Variants in ATP8B4 observed in about 807,000 individuals in gnomAD.
ATP8B4 encodes probable phospholipid-transporting ATPase IM.
Under a neutral mutation model 145.6 loss-of-function variants are expected in ATP8B4, and 133 were observed. That is an observed-to-expected ratio of 0.91 (90% CI 0.79 to 1.05). The LOEUF (loss-of-function observed/expected upper bound fraction) is 1.05. Among genes scored for constraint, ATP8B4 ranks in the 50% least tolerant of loss-of-function variants. ATP8B4 has a pLI of 0.00. For synonymous variants in ATP8B4, 507 were observed against 492.9 expected, an observed-to-expected ratio of 1.03 and a Z score of -0.38; for missense variants, 1,458 against 1,425.2, an observed-to-expected ratio of 1.02 and a Z score of -0.37.
At chr15:50,023,758 A>T (rs2049773075) in intron 6 of ATP8B4, among the ~76,000 whole-genome samples, 1 of 144,428 alleles carries the variant, frequency 6.9e-6, no homozygotes, top group Admixed American at 7.1e-5. Flanking sequence ...CTCTGCACCC[A>T]CAAAAAATTG....
chr15:50,131,395 C>A lies in ATP8B4; in HGVS notation c.-42-24387G>T, dbSNP rs180714380. Among the ~76,000 whole-genome samples, 16 of 152,250 alleles carry A rather than the reference C, an allele frequency of 1.1e-4. No individual in the cohort carries two copies. The East Asian group carries it at 1.3e-3, about 13-fold the overall frequency. On this transcript the variant is annotated intron_variant, in intron 1 of 3. Coordinates refer to the ATP8B4 transcript ENST00000558829. ...AAACAGAGAGGTTAAAGAACTTTCA[C>A]AAAGCTGCAGAGCTAGAAAATGGCA...
chr15:50,048,705 C>CAA lies in ATP8B4; in HGVS notation c.88-1243_88-1242dup, dbSNP rs34007897. Among the ~76,000 whole-genome samples, 20 of 117,790 alleles carry CAA rather than the reference C, an allele frequency of 1.7e-4. No homozygotes were observed. In the East Asian group the frequency reaches 2.1e-3, roughly 12 times the overall value. The allele number at this position is 117,790 out of a possible 152,430, so 77.3% of individuals were successfully genotyped here. A position where few individuals can be genotyped will look rare whatever the true frequency, so the allele number is the denominator to read the frequency against. On this transcript the variant is annotated intron_variant, in intron 3 of 27. Transcript: ENST00000284509. ...CCTGGGTGATGGAGCAAGACTCTGC[C>CAA]AAAAAAAAAAAAGGAAAAAAGATGG...
intron 17 of ATP8B4, chr15:49,922,428 C>A: frequency 2.3e-6 from 1 of 440,304 alleles, no homozygotes; most frequent in Admixed American, 2.5e-5. Flanking sequence ...AAAAGAAAAT[C>A]AATTCTCTAT....
chr15:49,915,229 T>C (rs1350464734), intron 20 of ATP8B4, among the ~76,000 whole-genome samples: 1 of 152,146 alleles, frequency 6.6e-6, no homozygotes, highest in Non-Finnish European at 1.5e-5. Context: ...TTTCACATGT[T>C]CTCACTCCTA....
At chr15:50,091,651 C>A (rs1024230436) in intron 2 of ATP8B4, among the ~76,000 whole-genome samples, 1 of 152,078 alleles carries the variant, frequency 6.6e-6, no homozygotes, top group African/African-American at 2.4e-5. Context: ...TTAGCTCATT[C>A]CAGCAGAGAA....
At chr15:49,988,366 A>G (rs1228589717) in intron 9 of ATP8B4, among the ~76,000 whole-genome samples, 1 of 152,204 alleles carries the variant, frequency 6.6e-6, no homozygotes, top group South Asian at 2.1e-4. Flanking sequence ...ATTAATATAC[A>G]TATCCACTGC....
chr15:50,025,094 A>G (rs1487828324), intron 6 of ATP8B4, among the ~76,000 whole-genome samples: 3 of 152,214 alleles, frequency 2.0e-5, no homozygotes, highest in Non-Finnish European at 4.4e-5. Flanking sequence ...GCCCACTATC[A>G]TGTAATTATT....
chr15:50,060,798 G>A (rs1489148993), intron 3 of ATP8B4, among the ~76,000 whole-genome samples: 4 of 152,108 alleles, frequency 2.6e-5, no homozygotes, highest in East Asian at 1.9e-4. Context: ...GGTGGGGCCC[G>A]AGAGTCTGCA....
chr15:49,895,474 T>C (rs1371764383), intron 23 of ATP8B4: 2 of 152,202 alleles, frequency 1.3e-5, no homozygotes, highest in Non-Finnish European at 2.9e-5. Context: ...AAAATGAAGA[T>C]TGTGCAATTA....
intron 1 of ATP8B4, among the ~76,000 whole-genome samples, chr15:50,128,680 G>C (rs2057323400): frequency 1.3e-5 from 2 of 152,226 alleles, no homozygotes; most frequent in South Asian, 4.1e-4. Flanking sequence ...TTGGTAAATT[G>C]ATCAGTGGAA....
intron 3 of ATP8B4, among the ~76,000 whole-genome samples, chr15:50,057,578 G>A (rs2052700439): frequency 6.6e-6 from 1 of 152,196 alleles, no homozygotes; most frequent in African/African-American, 2.4e-5. Flanking sequence ...GTCACTTCCA[G>A]TCCTTTCAAT....
At chr15:50,139,848 T>C (rs767195262) in intron 1 of ATP8B4, among the ~76,000 whole-genome samples, 7 of 152,170 alleles carry the variant, frequency 4.6e-5, no homozygotes, top group Non-Finnish European at 8.8e-5. Context: ...TTCTCTTGAG[T>C]CCAACTGCAC....
intron 2 of ATP8B4, among the ~76,000 whole-genome samples, chr15:50,102,913 T>C (rs2056457727): frequency 6.6e-6 from 1 of 152,088 alleles, no homozygotes; most frequent in Admixed American, 6.6e-5. Context: ...GCGAGTTTCG[T>C]ACCAGGGATG....
At chr15:49,952,544 T>C (rs1383188277) in intron 14 of ATP8B4, among the ~76,000 whole-genome samples, 1 of 152,218 alleles carries the variant, frequency 6.6e-6, no homozygotes, top group African/African-American at 2.4e-5. Flanking sequence ...TTCAGCTCCA[T>C]CAGGTCATTT....
chr15:50,066,901 T>C (rs1162616557), intron 3 of ATP8B4, among the ~76,000 whole-genome samples: 2 of 152,146 alleles, frequency 1.3e-5, no homozygotes. Context: ...AAAGATGTTT[T>C]CCCTTAGTTC....
chr15:49,901,404 G>C (rs545879276), intron 20 of ATP8B4, among the ~76,000 whole-genome samples, 165 bp from the exon 21 acceptor site: 1 of 152,240 alleles, frequency 6.6e-6, no homozygotes, highest in East Asian at 1.9e-4. Context: ...TTTGTGATGG[G>C]AATATCTTAG....
At chr15:50,133,591 T>C (rs1364862417) in intron 1 of ATP8B4, among the ~76,000 whole-genome samples, 1 of 151,538 alleles carries the variant, frequency 6.6e-6, no homozygotes, top group Non-Finnish European at 1.5e-5. Flanking sequence ...AGACCCTGTA[T>C]CAAAAATAAA....
chr15:49,867,206 C>G (rs1598788319), intron 25 of ATP8B4, among the ~76,000 whole-genome samples: 1 of 152,138 alleles, frequency 6.6e-6, no homozygotes, highest in Non-Finnish European at 1.5e-5. Context: ...GTTCTGGTAT[C>G]ATTATTTGCA....
intron 26 of ATP8B4, among the ~76,000 whole-genome samples, chr15:49,864,465 G>C (rs755444252): frequency 2.0e-5 from 3 of 152,140 alleles, no homozygotes; most frequent in Non-Finnish European, 4.4e-5. Flanking sequence ...TTTCCAGTTT[G>C]TTTAGATGAA....
Sources: allele counts gnomAD v4.1 joint callset (sites outside exome capture counted in the v4.1 genomes callset), GRCh38; gene constraint gnomAD v4.1.1; transcripts MANE v1.5; gene names NCBI Gene and HGNC (gene_info 2026-07-23, HGNC 2026-07-21).